CEP85L: variants seen among roughly 807,000 people sequenced by gnomAD.
The protein encoded by CEP85L is centrosomal protein of 85 kDa-like.
Under a neutral mutation model 100.3 loss-of-function variants are expected in CEP85L, and 60 were observed. The observed-to-expected ratio is 0.60, with a 90% CI of 0.49 to 0.74. The LOEUF (loss-of-function observed/expected upper bound fraction) is 0.74, where lower values mean the gene tolerates loss of function less well. CEP85L is among the 30% of genes least tolerant of loss of function. CEP85L has a pLI of 0.00. For missense variants in CEP85L, 973 were observed against 936.2 expected (o/e 1.04, Z -0.51); for synonymous variants, 319 against 322.7 (o/e 0.99, Z 0.12).
rs929358517 is a variant in CEP85L at position 118,612,610 on chromosome 6, G to A, written c.232+19843C>T. Among the ~76,000 whole-genome samples, 64 of 135,924 alleles carry A rather than the reference G, an allele frequency of 4.7e-4. 1 individual carries two copies. The highest frequency in any genetic ancestry group is 1.6e-3 in the African/African-American group (59 of 36,840). 89.2% of individuals were successfully genotyped at this position (135,924 alleles called of 152,430 possible). On this transcript the variant is annotated intron_variant, in intron 2 of 12. Coordinates refer to ENST00000368491, the MANE Select transcript of CEP85L (RefSeq NM_001042475.3). ...CAGGAGGCGGAGCTGGCAGTGAGCC[G>A]AGACTGCACCACTGCACTCTAGCCT... is the stretch of plus-strand genomic sequence containing the variant.
rs1387560969 is a variant in CEP85L, at chr6:118,670,148, A to G, written c.-27-17340T>C. ...GGCAGAATATATGTAGCATTTCCCCACCTACTTCATATGGGGCTTGCCCGT... is the reference window on the plus strand; with the variant it reads ...GGCAGAATATATGTAGCATTTCCCCGCCTACTTCATATGGGGCTTGCCCGT... On this transcript the variant is annotated intron_variant, in intron 1 of 13. Coordinates refer to the CEP85L transcript ENST00000368488. Among the ~76,000 whole-genome samples the G allele has an allele frequency of 3.3e-5, 5 of 151,770 alleles. No homozygotes were observed. In the South Asian group the frequency reaches 1.0e-3, roughly 32 times the overall value.
intron 2 of CEP85L, among the ~76,000 whole-genome samples, chr6:118,584,346 C>G (rs1304778418): frequency 1.3e-5 from 2 of 152,168 alleles, no homozygotes; most frequent in East Asian, 1.9e-4. Context: ...CTTCCTTTCC[C>G]CTCCCCAAAA....
rs144651364 is a variant in CEP85L at position 118,511,118 on chromosome 6, G to A, written c.1257+180C>T. On this transcript the variant is annotated intron_variant, in intron 5 of 12. Coordinates refer to ENST00000368491, the MANE Select transcript of CEP85L (RefSeq NM_001042475.3). The stretch of plus-strand genomic sequence containing the variant: ...AGTTCCTGTATGTGTGTGGAGAGGG[G>A]TGTGCAATCTGGACAGATGGAAGGC... 3.7e-3 allele frequency among the ~76,000 whole-genome samples: 564 copies of A among 152,220 alleles called. 3 individuals carry two copies. Among genetic ancestry groups the A allele is most frequent in the African/African-American group, 0.013 (538 of 41,524 alleles).
chr6:118,643,873 C>G (rs1775027888), intron 1 of CEP85L, among the ~76,000 whole-genome samples: 1 of 152,118 alleles, frequency 6.6e-6, no homozygotes, highest in Non-Finnish European at 1.5e-5. Flanking sequence ...GACAGAGTAC[C>G]CTGGTCAAGA....
Position 118,572,154 on chromosome 6 carries a change from C to A in CEP85L, c.233-5838G>T, listed in dbSNP as rs76941772. ...TACAGGCGGAAGCCACCACTCCTGG[C>A]CCAGGTAATAATTTTTATACAACAC... On this transcript the variant is annotated intron_variant, in intron 2 of 12. Transcript: ENST00000368491. 1.7e-4 allele frequency among the ~76,000 whole-genome samples: 26 copies of A among 152,000 alleles called. No homozygotes were observed. In the East Asian group the frequency reaches 4.7e-3, roughly 27 times the overall value.
Position 118,550,003 on chromosome 6 carries a change from T to C in CEP85L, c.1020+15526A>G, listed in dbSNP as rs191285804. Among the ~76,000 whole-genome samples, 6 of 152,042 alleles carry C rather than the reference T, an allele frequency of 3.9e-5. No individual in the cohort carries two copies. The East Asian group carries it at 1.2e-3, about 29-fold the overall frequency. ...ATACCTTAAGGTGCAAGTTAAGTAT[T>C]ATCTTTGTTTATGAAGACATGTGGT... is the stretch of plus-strand genomic sequence containing the variant. On this transcript the variant is annotated intron_variant, in intron 3 of 12. Coordinates refer to ENST00000368491, the MANE Select transcript of CEP85L (RefSeq NM_001042475.3).
chr6:118,703,139 A>C (rs1777474392), intron 1 of CEP85L, among the ~76,000 whole-genome samples: 1 of 152,166 alleles, frequency 6.6e-6, no homozygotes, highest in Admixed American at 6.5e-5. Context: ...AACCTAGCAA[A>C]ACAAATAAAT....
chr6:118,595,506 C>T (rs1006319960), intron 2 of CEP85L, among the ~76,000 whole-genome samples: 5 of 152,146 alleles, frequency 3.3e-5, no homozygotes, highest in Non-Finnish European at 7.4e-5. Flanking sequence ...ATGTTTATCT[C>T]CCTGCAATTC....
At chr6:118,479,737 T>C in intron 10 of CEP85L, 134 bp downstream of exon 10, 1 of 444,732 alleles carries the variant, frequency 2.2e-6, no homozygotes, top group Non-Finnish European at 4.0e-6. Flanking sequence ...TTAAAGAATT[T>C]GCAACTTTAC....
intron 1 of CEP85L, among the ~76,000 whole-genome samples, chr6:118,675,516 T>C (rs992976924): frequency 6.6e-6 from 1 of 151,706 alleles, no homozygotes; most frequent in African/African-American, 2.4e-5. Flanking sequence ...AAACTATCAA[T>C]CATTTAAAAA....
At chr6:118,586,207 G>C (rs189977016) in intron 2 of CEP85L, among the ~76,000 whole-genome samples, 32 of 152,174 alleles carry the variant, frequency 2.1e-4, no homozygotes, top group South Asian at 4.2e-4. Context: ...ACCTTCCTTG[G>C]GTCACTCTTC....
chr6:118,576,275 A>G (rs1780227886), intron 2 of CEP85L, among the ~76,000 whole-genome samples: 1 of 152,174 alleles, frequency 6.6e-6, no homozygotes, highest in South Asian at 2.1e-4. Context: ...TAGCGAGATT[A>G]CATCCTTGTC....
At chr6:118,496,250 C>T (rs1186503950) in intron 5 of CEP85L, among the ~76,000 whole-genome samples, 1 of 152,120 alleles carries the variant, frequency 6.6e-6, no homozygotes, top group African/African-American at 2.4e-5. Flanking sequence ...AAGTACATGC[C>T]CTTAACCCAC....
intron 3 of CEP85L, among the ~76,000 whole-genome samples, chr6:118,561,082 C>G (rs939881579): frequency 6.6e-6 from 1 of 152,092 alleles, no homozygotes; most frequent in African/African-American, 2.4e-5. Context: ...TTTCTGAACC[C>G]ATGAGAGATA....
At chr6:118,636,611 T>A (rs956180333) in intron 1 of CEP85L, among the ~76,000 whole-genome samples, 1 of 145,366 alleles carries the variant, frequency 6.9e-6, no homozygotes, top group Non-Finnish European at 1.5e-5. Context: ...TAAGGCAGAC[T>A]GCCCTCCATA....
chr6:118,539,358 T>C (rs1359528907), intron 3 of CEP85L, among the ~76,000 whole-genome samples: 1 of 152,176 alleles, frequency 6.6e-6, no homozygotes, highest in Non-Finnish European at 1.5e-5. Context: ...GTTTGTAGCT[T>C]AGGAGCAAAT....
intron 1 of CEP85L, among the ~76,000 whole-genome samples, chr6:118,701,356 A>G (rs1234790370): frequency 6.6e-6 from 1 of 152,254 alleles, no homozygotes; most frequent in African/African-American, 2.4e-5. Flanking sequence ...CACAATAGCA[A>G]AGACATGAAA....
chr6:118,566,447 T>C (rs1779512380), intron 2 of CEP85L, 131 bp from the exon 3 acceptor site: 1 of 796,034 alleles, frequency 1.3e-6, no homozygotes, highest in South Asian at 1.9e-5. Flanking sequence ...AGACGTAGTT[T>C]TAGCTTGTTG....
At chr6:118,660,825 C>T (rs1464850180) in intron 1 of CEP85L, among the ~76,000 whole-genome samples, 1 of 152,154 alleles carries the variant, frequency 6.6e-6, no homozygotes. Flanking sequence ...TTTTCTCAAA[C>T]ATATTTGAGG....
Sources: gnomAD v4.1 joint callset for allele counts (sites outside exome capture counted in the v4.1 genomes callset) on GRCh38, gnomAD v4.1.1 for gene constraint, MANE v1.5 for transcripts, NCBI Gene and HGNC (gene_info 2026-07-23, HGNC 2026-07-21) for gene names.